The following DTNA variants were observed in gnomAD, a reference collection of about 807,000 sequenced individuals.
DTNA encodes dystrophin-related protein 3.
DTNA carries 43 observed loss-of-function variants against 100.7 expected under a neutral mutation model. That is an observed-to-expected ratio of 0.43 (90% CI 0.33 to 0.55). DTNA has a LOEUF of 0.55. DTNA is among the 20% of genes least tolerant of loss of function. The pLI, the probability that DTNA is intolerant of heterozygous loss-of-function variation, is 0.04. For synonymous variants in DTNA, 349 were observed against 347.9 expected (o/e 1.00, Z -0.04); for missense variants, 798 against 953.9 (o/e 0.84, Z 2.15).
At chr18:34,516,333 G>A (rs145423140) in intron 1 of DTNA, among the ~76,000 whole-genome samples, 160 of 152,174 alleles carry the variant, frequency 1.1e-3, no homozygotes, top group African/African-American at 3.7e-3. Context: ...ATATCACAAG[G>A]CAAATGAAGC....
chr18:34,526,931 A>G (rs551572230), intron 1 of DTNA, among the ~76,000 whole-genome samples: 47 of 152,120 alleles, frequency 3.1e-4, no homozygotes, highest in Non-Finnish European at 3.4e-4. Flanking sequence ...AGAATTTTCA[A>G]TGCTGTGATG....
At chr18:34,777,128 G>A (rs907017509) in intron 3 of DTNA, among the ~76,000 whole-genome samples, 8 of 152,082 alleles carry the variant, frequency 5.3e-5, no homozygotes, top group African/African-American at 1.4e-4. Context: ...TCTAATATAC[G>A]CTATGCTATG....
intron 1 of DTNA, among the ~76,000 whole-genome samples, chr18:34,597,942 G>A (rs907698892): frequency 1.3e-5 from 2 of 152,012 alleles, no homozygotes; most frequent in Admixed American, 6.6e-5. Context: ...TGTCTTACTC[G>A]CTTTTTTATT....
intron 1 of DTNA, among the ~76,000 whole-genome samples, chr18:34,571,689 A>C (rs769642544): frequency 6.6e-6 from 1 of 152,186 alleles, no homozygotes; most frequent in Non-Finnish European, 1.5e-5. Flanking sequence ...ATCCTGTTTA[A>C]TTTAAATTAA....
In DTNA at chr18:34,838,167, A is replaced by G. The variant is rs2149711494; in HGVS notation, c.1249A>G (p.Lys417Glu). 1 of 1,613,838 alleles carries G rather than the reference A, an allele frequency of 6.2e-7. No homozygotes were observed. The highest frequency in any genetic ancestry group is 8.5e-7 in the Non-Finnish European group (1 of 1,179,794). Reference sequence around the variant, plus strand: ...GGCTGCTCCAGCTTTTCTGAAGGGCAAAGGGTAAGTTACAGCCAGAGTGTA... The same window carrying G: ...GGCTGCTCCAGCTTTTCTGAAGGGCGAAGGGTAAGTTACAGCCAGAGTGTA... ...ARAAPAFLKG[K>E]GIQYSLNVAD... Residue 417 changes from lysine to glutamate, a missense_variant, in exon 12 of 23, where the codon AAA (lysine) becomes GAA (glutamate). Lys to Glu is a moderately conservative substitution (Grantham distance 56, BLOSUM62 1). This residue lies in a region of DTNA where 159 missense variants were observed against 201.2 expected (regional missense o/e 0.79). Transcript: ENST00000444659.
intron 1 of DTNA, among the ~76,000 whole-genome samples, chr18:34,498,008 C>T (rs533885864): frequency 7.9e-5 from 12 of 152,206 alleles, no homozygotes; most frequent in African/African-American, 2.6e-4. Context: ...AGGCTGGGCA[C>T]GGTGGCTCAA....
At chr18:34,628,907 TTAA>T (rs1271648672) in intron 1 of DTNA, among the ~76,000 whole-genome samples, 4 of 152,182 alleles carry the variant, frequency 2.6e-5, no homozygotes, top group African/African-American at 9.7e-5. Flanking sequence ...TGAAATAATG[TTAA>T]TAATTTTATC....
intron 1 of DTNA, among the ~76,000 whole-genome samples, chr18:34,672,147 C>T (rs1409959568): frequency 6.6e-6 from 1 of 152,050 alleles, no homozygotes; most frequent in Non-Finnish European, 1.5e-5. Flanking sequence ...AATCTTTCTG[C>T]CTTACTTGGA....
At chr18:34,870,271 T>G (rs1460053982) in intron 17 of DTNA, among the ~76,000 whole-genome samples, 1 of 152,230 alleles carries the variant, frequency 6.6e-6, no homozygotes, top group Admixed American at 6.5e-5. Context: ...TGTTTATAAC[T>G]GGATGGTCCA....
At chr18:34,676,279 G>A (rs1271743787) in intron 1 of DTNA, among the ~76,000 whole-genome samples, 2 of 152,128 alleles carry the variant, frequency 1.3e-5, no homozygotes, top group Non-Finnish European at 2.9e-5. Context: ...AAGCAAAAAT[G>A]TGACTCCTGC....
chr18:34,807,382 C>T (rs1004502817), intron 5 of DTNA, among the ~76,000 whole-genome samples: 12 of 152,066 alleles, frequency 7.9e-5, no homozygotes, highest in African/African-American at 2.9e-4. Context: ...CTTCTGTATC[C>T]TAAATTTTGG....
chr18:34,872,534 T>C (rs939764202), intron 17 of DTNA, among the ~76,000 whole-genome samples: 3 of 152,190 alleles, frequency 2.0e-5, no homozygotes, highest in South Asian at 2.1e-4. Context: ...TTACCTCACA[T>C]CCATTAAGAC....
At chr18:34,800,824 A>T (rs945550295) in intron 4 of DTNA, among the ~76,000 whole-genome samples, 8 of 152,214 alleles carry the variant, frequency 5.3e-5, no homozygotes, top group Non-Finnish European at 8.8e-5. Context: ...CTTAGCATCC[A>T]GCCCTACCGA....
At chr18:34,590,377 A>C (rs566763325) in intron 1 of DTNA, among the ~76,000 whole-genome samples, 1 of 152,378 alleles carries the variant, frequency 6.6e-6, no homozygotes, top group Admixed American at 6.5e-5. Context: ...ATATGCTTTT[A>C]AAAATAAATG....
At chr18:34,536,037 A>G (rs1205271756) in intron 1 of DTNA, among the ~76,000 whole-genome samples, 1 of 152,086 alleles carries the variant, frequency 6.6e-6, no homozygotes, top group Non-Finnish European at 1.5e-5. Context: ...ATACACACAC[A>G]TACATAATTT....
intron 1 of DTNA, among the ~76,000 whole-genome samples, chr18:34,547,836 G>C (rs2044967087): frequency 6.6e-6 from 1 of 152,114 alleles, no homozygotes; most frequent in Admixed American, 6.6e-5. Context: ...TTTGCTTTAT[G>C]AATTTGAATT....
At chr18:34,864,248 C>CTTTT (rs555273655) in intron 17 of DTNA, among the ~76,000 whole-genome samples, 186 bp downstream of exon 17, 59 of 127,416 alleles carry the variant, frequency 4.6e-4, no homozygotes, top group Non-Finnish European at 6.6e-4. Flanking sequence ...AGAACACATT[C>CTTTT]TTTTTTTTTT....
At chr18:34,829,755 C>T (rs1187687496) in intron 11 of DTNA, among the ~76,000 whole-genome samples, 1 of 152,160 alleles carries the variant, frequency 6.6e-6, no homozygotes, top group Non-Finnish European at 1.5e-5. Flanking sequence ...CAAGCTGGAT[C>T]TTGTTTGGAC....
chr18:34,558,990 G>A (rs1368161042), intron 1 of DTNA, among the ~76,000 whole-genome samples: 1 of 152,084 alleles, frequency 6.6e-6, no homozygotes. Context: ...TCTTAATGTT[G>A]GTTGATTAAG....
Sources: gnomAD v4.1 joint callset for allele counts (sites outside exome capture counted in the v4.1 genomes callset) on GRCh38, gnomAD v4.1.1 for gene constraint, gnomAD v4.1.1 regional missense constraint, MANE v1.5 for transcripts, NCBI Gene and HGNC (gene_info 2026-07-23, HGNC 2026-07-21) for gene names.